VSIG1: variants seen among roughly 807,000 people sequenced by gnomAD.
VSIG1 encodes the protein V-set and immunoglobulin domain-containing protein 1.
Under a neutral mutation model 20.1 loss-of-function variants are expected in VSIG1, and 11 were observed. That is an observed-to-expected ratio of 0.55 (90% CI 0.34 to 0.91). The LOEUF is 0.91. VSIG1 is among the 40% of genes least tolerant of loss of function. The pLI, the probability that VSIG1 is intolerant of heterozygous loss-of-function variation, is 0.02. For synonymous variants in VSIG1, 126 were observed against 116.7 expected (o/e 1.08, Z -0.52); for missense variants, 283 against 298.8 (o/e 0.95, Z 0.39).
At chrX:108,064,724 G>C (rs1420348223) in intron 2 of VSIG1, 1 of 751,435 alleles carries the variant, frequency 1.3e-6, no homozygotes, top group Non-Finnish European at 1.6e-6. Context: ...CTTGGGAGGA[G>C]GGGAAGTGGC....
intron 2 of VSIG1, among the ~76,000 whole-genome samples, chrX:108,066,119 A>G (rs925982841): frequency 3.6e-5 from 4 of 111,356 alleles, no homozygotes; most frequent in African/African-American, 1.3e-4. Context: ...TAGAAATGGG[A>G]CTAGAATCCA....
upstream of VSIG1, among the ~76,000 whole-genome samples, chrX:108,044,466 C>T (rs1239396677): frequency 8.9e-6 from 1 of 111,808 alleles, no homozygotes; most frequent in Non-Finnish European, 1.9e-5. Context: ...TTAGCAAATA[C>T]GTGCTATAAG....
At chrX:108,033,131 T>C in the VSIG1 span, among the ~76,000 whole-genome samples, 1 of 111,308 alleles carries the variant, frequency 9.0e-6, no homozygotes, top group East Asian at 2.9e-4. Flanking sequence ...CTCCGCCTAG[T>C]TGGAAGGGGC....
At chrX:108,076,929 A>C (rs1184005933) in intron 6 of VSIG1, 119 bp from the exon 7 acceptor site, 2 of 714,791 alleles carry the variant, frequency 2.8e-6, no homozygotes, top group African/African-American at 4.3e-5. Flanking sequence ...ATCAGAAATA[A>C]CAGATTTCCT....
intron 2 of VSIG1, chrX:108,061,553 T>C: frequency 8.9e-7 from 1 of 1,128,195 alleles, no homozygotes; most frequent in Non-Finnish European, 1.2e-6. Flanking sequence ...CACTTATTGG[T>C]GTACTACTGG....
chrX:108,048,001 T>TATATATATAC (rs1555980440), intron 1 of VSIG1, among the ~76,000 whole-genome samples: 14 of 59,543 alleles, frequency 2.4e-4, no homozygotes, highest in Non-Finnish European at 3.8e-4. Context: ...TATATATATA[T>TATATATATAC]ACACATATAT....
intron 2 of VSIG1, 112 bp from the exon 3 acceptor site, chrX:108,066,824 G>A: frequency 8.4e-6 from 6 of 717,254 alleles, no homozygotes; most frequent in Non-Finnish European, 1.0e-5. Flanking sequence ...TTCCTGGTGG[G>A]GGGAAGATGC....
chrX:108,074,759 A>T (rs191517222), intron 5 of VSIG1, among the ~76,000 whole-genome samples: 7 of 111,808 alleles, frequency 6.3e-5, no homozygotes, highest in African/African-American at 2.3e-4. Context: ...AAGCCTCATC[A>T]TCTATAAAAT....
chrX:108,043,161 C>G (rs1235921565), upstream of VSIG1, among the ~76,000 whole-genome samples: 2 of 111,395 alleles, frequency 1.8e-5, no homozygotes, highest in African/African-American at 6.5e-5. Context: ...GTGCACAAGT[C>G]ATATCTTGGG....
chrX:108,071,892 CAAAAA>C (rs1203449181), intron 3 of VSIG1, among the ~76,000 whole-genome samples: 1 of 36,405 alleles, frequency 2.7e-5, no homozygotes, highest in African/African-American at 8.4e-5. Flanking sequence ...TGAACAAATG[CAAAAA>C]AAAAAAAAAA....
chrX:108,046,558 T>G (rs952420502), intron 1 of VSIG1, among the ~76,000 whole-genome samples: 3 of 110,857 alleles, frequency 2.7e-5, no homozygotes, highest in Admixed American at 9.7e-5. Context: ...AGAACAGTTT[T>G]TTTTTTTTTT....
intron 3 of VSIG1, among the ~76,000 whole-genome samples, chrX:108,071,287 G>T (rs1450314494): frequency 2.7e-5 from 3 of 111,162 alleles, no homozygotes; most frequent in African/African-American, 9.8e-5. Flanking sequence ...AGATAAGCAA[G>T]GTGAGTTGGA....
At chrX:108,039,053 C>T in the VSIG1 span, among the ~76,000 whole-genome samples, 1 of 111,661 alleles carries the variant, frequency 9.0e-6, no homozygotes, top group Middle Eastern at 4.6e-3. Context: ...AAGAGAAATA[C>T]AAAGGGCACT....
chrX:108,059,834 G>A (rs747084767), intron 2 of VSIG1, among the ~76,000 whole-genome samples: 65 of 112,484 alleles, frequency 5.8e-4, no homozygotes, highest in Non-Finnish European at 9.8e-4. Context: ...TTGCCAGGTG[G>A]GGCTGGATTT....
chrX:108,058,073 G>T lies in VSIG1; in HGVS notation c.85G>T (p.Gly29Cys). 1 of 1,209,933 alleles carries T rather than the reference G, an allele frequency of 8.3e-7. No individual in the cohort carries two copies. The highest frequency in any genetic ancestry group is 1.7e-5 in the African/African-American group (1 of 57,501). The change falls in exon 2 of 7, where the codon GGT (glycine) becomes TGT (cysteine). Residue 29 changes from glycine to cysteine, a missense_variant. Transcript: ENST00000217957. ...TGTGGTGCAAGTGACCATCCCAGACGGTTTCGTGAACGTGACTGTTGGATC... is the reference window on the plus strand; with the variant it reads ...TGTGGTGCAAGTGACCATCCCAGACTGTTTCGTGAACGTGACTGTTGGATC... ...VSVVQVTIPDGFVNVTVGSNV... is the reference protein window; with the variant it reads ...VSVVQVTIPDCFVNVTVGSNV...
At position 108,078,894 on chromosome X, in the gene VSIG1, G is replaced by A. The variant is rs1021796875; in HGVS notation, c.*1513G>A. The A allele has an allele frequency of 3.6e-5, 4 of 111,729 alleles. No homozygotes were observed. Among genetic ancestry groups the A allele is most frequent in the South Asian group, 3.8e-4 (1 of 2,657 alleles). 9.2% of individuals were successfully genotyped at this position (111,729 alleles called of 1,213,427 possible). On this transcript the variant is annotated 3_prime_UTR_variant, in exon 7 of 7. Coordinates refer to ENST00000217957, the MANE Select transcript of VSIG1 (RefSeq NM_182607.5). ...CCTGTACATTCCACATTAATAAAGCGATACCAATCTTATATGAATGCTAAT... is the reference window on the plus strand; with the variant it reads ...CCTGTACATTCCACATTAATAAAGCAATACCAATCTTATATGAATGCTAAT...
chrX:108,037,708 A>G, the VSIG1 span, among the ~76,000 whole-genome samples: 1 of 112,790 alleles, frequency 8.9e-6, no homozygotes, highest in Non-Finnish European at 1.9e-5. Flanking sequence ...AAATTCATAA[A>G]TTCACCAATT....
chrX:108,057,969 T>C (rs902408682), intron 1 of VSIG1, 69 bp from the exon 2 acceptor site: 86 of 1,027,242 alleles, frequency 8.4e-5, no homozygotes, highest in Non-Finnish European at 1.1e-4. Context: ...TTTGTAAGTG[T>C]TCTGTGATGA....
chrX:108,037,668 C>T, the VSIG1 span, among the ~76,000 whole-genome samples: 11 of 112,416 alleles, frequency 9.8e-5, no homozygotes, highest in South Asian at 4.0e-3. Context: ...CCACACAATA[C>T]ACAAAAAATA....
Sources: gnomAD v4.1 joint callset for allele counts (sites outside exome capture counted in the v4.1 genomes callset) on GRCh38, gnomAD v4.1.1 for gene constraint, MANE v1.5 for transcripts, NCBI Gene and HGNC (gene_info 2026-07-23, HGNC 2026-07-21) for gene names.